TP53BP2: variants seen among roughly 807,000 people sequenced by gnomAD.
TP53BP2 encodes the protein tumor protein p53 binding protein 2.
TP53BP2 carries 62 observed loss-of-function variants against 126.2 expected under a neutral mutation model. The ratio of observed to expected loss-of-function variants is 0.49; its 90% CI spans 0.40 to 0.61. The LOEUF is 0.61. Ranked by LOEUF, TP53BP2 falls within the 20% of genes least tolerant of loss-of-function variation. The pLI, the probability that TP53BP2 is intolerant of heterozygous loss-of-function variation, is 0.00. For missense variants in TP53BP2, 1,215 were observed against 1,402.8 expected (o/e 0.87, Z 2.14); for synonymous variants, 485 against 502.9 (o/e 0.96, Z 0.48).
chr1:223,808,981 A>G (rs1299284568), intron 4 of TP53BP2, among the ~76,000 whole-genome samples: 1 of 152,176 alleles, frequency 6.6e-6, no homozygotes, highest in Admixed American at 6.5e-5. Context: ...TTTGGCAAGG[A>G]TGTGGAAACA....
chr1:223,828,818 A>G (rs6658724), intron 1 of TP53BP2, among the ~76,000 whole-genome samples: 47,835 of 152,082 alleles, frequency 0.31, 11,159 homozygotes, highest in African/African-American at 0.66. Flanking sequence ...AACTGCCAAG[A>G]ACTGAGGAAG....
At chr1:223,797,504 C>G (rs2102846355) in intron 12 of TP53BP2, among the ~76,000 whole-genome samples, 1 of 151,998 alleles carries the variant, frequency 6.6e-6, no homozygotes, top group East Asian at 1.9e-4. Flanking sequence ...CCTCCGCCTC[C>G]CAGGTTCAAG....
chr1:223,793,564 A>C, intron 13 of TP53BP2, 124 bp from the exon 14 acceptor site: 1 of 1,029,738 alleles, frequency 9.7e-7, no homozygotes, highest in Non-Finnish European at 1.3e-6. Context: ...TAGATTTGGC[A>C]CATTTTATTG....
intron 17 of TP53BP2, among the ~76,000 whole-genome samples, chr1:223,782,241 A>G (rs997466120): frequency 3.3e-5 from 5 of 152,224 alleles, no homozygotes; most frequent in African/African-American, 1.2e-4. Context: ...TACACCATAA[A>G]TATACACAAT....
intron 12 of TP53BP2, among the ~76,000 whole-genome samples, chr1:223,797,382 T>C (rs1662360234): frequency 6.6e-6 from 1 of 151,574 alleles, no homozygotes; most frequent in Non-Finnish European, 1.5e-5. Context: ...TTACAATGAC[T>C]TAAAATACAG....
At chr1:223,788,864 G>C in intron 16 of TP53BP2, 144 bp downstream of exon 16, 3 of 753,790 alleles carry the variant, frequency 4.0e-6, no homozygotes, top group Non-Finnish European at 6.3e-6. Flanking sequence ...TATTATCTGT[G>C]ACCAAGGCTG....
At chr1:223,835,824 A>C (rs1483190151) in intron 1 of TP53BP2, among the ~76,000 whole-genome samples, 1 of 152,218 alleles carries the variant, frequency 6.6e-6, no homozygotes, top group South Asian at 2.1e-4. Flanking sequence ...ACAATGAAGA[A>C]GCACTGCAAA....
chr1:223,821,281 C>G lies in TP53BP2; in HGVS notation c.114G>C (p.Val38=), dbSNP rs767338350. Residue 38 remains valine, a synonymous_variant, in exon 2 of 18, where the codon GTG becomes GTC. Transcript: ENST00000343537. ...VTPETICRDV[V]DLCKEPGESD... ...TCTCGCCGGGTTCTTTGCACAGATC[C>G]ACCACGTCTCTGCATATTGTTTCTG... The G allele has an allele frequency of 6.2e-7, 1 of 1,614,066 alleles. No homozygotes were observed. The highest frequency in any genetic ancestry group is 1.1e-5 in the South Asian group (1 of 91,086).
chr1:223,815,905 A>C (rs1216867635), intron 2 of TP53BP2, among the ~76,000 whole-genome samples: 1 of 152,244 alleles, frequency 6.6e-6, no homozygotes, highest in Non-Finnish European at 1.5e-5. Context: ...TATACCATAT[A>C]GCCTAGGTGT....
At chr1:223,831,047 G>A (rs1480709178) in intron 1 of TP53BP2, among the ~76,000 whole-genome samples, 7 of 151,892 alleles carry the variant, frequency 4.6e-5, no homozygotes, top group East Asian at 1.9e-4. Context: ...GCAGTGAGCC[G>A]AGATCGCGCC....
At chr1:223,829,422 CAACA>C (rs1663618772) in intron 1 of TP53BP2, among the ~76,000 whole-genome samples, 2 of 152,088 alleles carry the variant, frequency 1.3e-5, no homozygotes, top group African/African-American at 2.4e-5. Context: ...GACGAGGTTT[CAACA>C]AACAGGCACA....
chr1:223,816,338 G>T (rs1571862632), intron 2 of TP53BP2, among the ~76,000 whole-genome samples: 1 of 152,178 alleles, frequency 6.6e-6, no homozygotes, highest in Admixed American at 6.5e-5. Context: ...AGACAGGAGA[G>T]GAGAAGAAAG....
intron 9 of TP53BP2, among the ~76,000 whole-genome samples, chr1:223,801,675 G>C (rs545877217): frequency 5.3e-5 from 8 of 152,058 alleles, no homozygotes; most frequent in Non-Finnish European, 1.2e-4. Context: ...AAAATTATCA[G>C]CAAATTCTCA....
At chr1:223,819,060 G>A (rs933830656) in intron 2 of TP53BP2, among the ~76,000 whole-genome samples, 1 of 151,664 alleles carries the variant, frequency 6.6e-6, no homozygotes, top group Non-Finnish European at 1.5e-5. Context: ...GCGTATGCCT[G>A]TAATCCCCAG....
At position 223,796,041 on chromosome 1, in the gene TP53BP2, G is replaced by A. The variant is rs749287822; in HGVS notation, c.2498C>T (p.Ser833Phe). 24 of 1,614,022 alleles carry A rather than the reference G, an allele frequency of 1.5e-5. No individual in the cohort carries two copies. The highest frequency in any genetic ancestry group is 1.9e-5 in the Non-Finnish European group (22 of 1,179,992). ...STENSDMPAP[S>F]PGLDYEPEGV... ...CTCAGGCTCATAATCAAGGCCTGGA[G>A]AAGGAGCTGGCATGTCACTGTTCTC... Residue 833 changes from serine (S) to phenylalanine (F), a missense_variant, in exon 13 of 18, where the codon TCT (serine) becomes TTT (phenylalanine). Physicochemically the swap from Ser to Phe is radical, Grantham distance 155. This residue lies in a region of TP53BP2 where 204 missense variants were observed against 225.7 expected (regional missense o/e 0.90). Transcript: ENST00000343537. This position sits in a 1 kb window ranked among gnomAD's most constrained non-coding sequence, Gnocchi z 4.2.
At chr1:223,845,365 T>A in intron 1 of TP53BP2, 1 of 614,896 alleles carries the variant, frequency 1.6e-6, no homozygotes, top group African/African-American at 2.0e-5. Context: ...AGACGAAAAG[T>A]TTGAGTGGCT....
At position 223,786,039 on chromosome 1, in the gene TP53BP2, T is replaced by C. The variant is rs1372467087; in HGVS notation, c.3164-1725A>G. On this transcript the variant is annotated intron_variant, in intron 16 of 17. Coordinates refer to ENST00000343537, the MANE Select transcript of TP53BP2 (RefSeq NM_001031685.3). ...GGGAAGGAGGGAAACAGCACACATG[T>C]CCTTCGAAAGCAGAATAAAAAGATA... Among the ~76,000 whole-genome samples the C allele has an allele frequency of 2.6e-5, 4 of 152,152 alleles. No homozygotes were observed. In the East Asian group the frequency reaches 7.7e-4, roughly 29 times the overall value.
chr1:223,814,099 G>C, intron 3 of TP53BP2, 141 bp downstream of exon 3: 1 of 605,924 alleles, frequency 1.7e-6, no homozygotes, highest in Non-Finnish European at 2.9e-6. Flanking sequence ...TTCTCCCCTC[G>C]ACAGCCTATC....
In TP53BP2 at chr1:223,796,370, G is replaced by A. The variant is rs141654811; in HGVS notation, c.2169C>T (p.Asp723=). The A allele has an allele frequency of 1.7e-4, 274 of 1,614,054 alleles. No individual in the cohort carries two copies. The highest frequency in any genetic ancestry group is 2.2e-4 in the Non-Finnish European group (256 of 1,180,032). ...SNPYRNQSDA[D]LEALRKKLSN... ...ACAGTTTCTTTCGTAAGGCTTCTAGGTCAGCATCACTCTGGTTTCGGTAAG... is the reference window on the plus strand; with the variant it reads ...ACAGTTTCTTTCGTAAGGCTTCTAGATCAGCATCACTCTGGTTTCGGTAAG... Residue 723 remains aspartate (D), a synonymous_variant, in exon 13 of 18, where the codon GAC becomes GAT. Coordinates refer to ENST00000343537, the MANE Select transcript of TP53BP2 (RefSeq NM_001031685.3). This position sits in a 1 kb window ranked among gnomAD's most constrained non-coding sequence, Gnocchi z 4.2.
Sources: allele counts gnomAD v4.1 joint callset (sites outside exome capture counted in the v4.1 genomes callset), GRCh38; gene constraint gnomAD v4.1.1; regional missense constraint gnomAD v4.1.1; non-coding constraint Gnocchi (gnomAD v3.1); transcripts MANE v1.5; gene names NCBI Gene and HGNC (gene_info 2026-07-23, HGNC 2026-07-21).